H2BK1: variants seen among roughly 807,000 people sequenced by gnomAD.
The protein encoded by H2BK1 is histone H2B type 2-K1.
the H2BK1 span, chr7:151,208,047 C>T: frequency 5.6e-6 from 9 of 1,613,962 alleles, no homozygotes; most frequent in African/African-American, 4.0e-5. Context: ...TCAAACACGT[C>T]GTTTACAAAC....
the H2BK1 span, among the ~76,000 whole-genome samples, chr7:151,209,826 C>T: frequency 2.0e-5 from 3 of 152,210 alleles, no homozygotes; most frequent in African/African-American, 7.2e-5. Context: ...CTCCTCTTCT[C>T]GGTCACCAAC....
At chr7:151,207,848 C>T in the H2BK1 span, 1 of 836,638 alleles carries the variant, frequency 1.2e-6, no homozygotes, top group Non-Finnish European at 2.1e-6. Flanking sequence ...ACAGTTCACC[C>T]TTTATTTTTG....
At chr7:151,210,411 TGGGA>T in the H2BK1 span, 6,664 of 113,098 alleles carry the variant, frequency 0.059, 309 homozygotes, top group African/African-American at 0.24. Context: ...GACATGCACC[TGGGA>T]GGGGGGGGGG....
chr7:151,210,278 C>G, the H2BK1 span: 1 of 399,262 alleles, frequency 2.5e-6, no homozygotes, highest in East Asian at 3.6e-5. Flanking sequence ...GCGACCCCCA[C>G]GGCCCCCGGG....
chr7:151,208,616 G>C, the H2BK1 span, among the ~76,000 whole-genome samples: 1 of 152,152 alleles, frequency 6.6e-6, no homozygotes, highest in South Asian at 2.1e-4. Context: ...TTCCAGAGGC[G>C]GGACTGTAGT....
the H2BK1 span, chr7:151,207,883 G>A: frequency 8.9e-6 from 9 of 1,007,130 alleles, no homozygotes; most frequent in Non-Finnish European, 1.3e-5. Context: ...ACTTGGAGCT[G>A]GTGTACTTGG....
the H2BK1 span, chr7:151,208,158 G>A: frequency 2.5e-6 from 4 of 1,580,510 alleles, no homozygotes; most frequent in Admixed American, 5.0e-5. Context: ...AGGGGAGGGG[G>A]GGTCCTGCCT....
the H2BK1 span, chr7:151,208,220 A>C: frequency 1.0e-6 from 1 of 992,582 alleles, no homozygotes; most frequent in Admixed American, 2.2e-5. Context: ...CAGAGGCAGA[A>C]GGCAAGGAGG....
At chr7:151,208,016 G>A in the H2BK1 span, 1 of 1,602,982 alleles carries the variant, frequency 6.2e-7, no homozygotes, top group South Asian at 1.1e-5. Flanking sequence ...GGCCAGCCGG[G>A]CAGCCTCACA....
the H2BK1 span, among the ~76,000 whole-genome samples, chr7:151,208,321 A>C: frequency 3.3e-5 from 5 of 152,230 alleles, no homozygotes; most frequent in African/African-American, 1.2e-4. Context: ...AAGTTTTTTA[A>C]AAGAAGTTTT....
chr7:151,207,933 G>C, the H2BK1 span: 1 of 1,258,228 alleles, frequency 7.9e-7, no homozygotes, highest in Non-Finnish European at 1.2e-6. Context: ...TGCTTGGCCA[G>C]CTCCCCAGGC....
At chr7:151,208,447 A>T in the H2BK1 span, among the ~76,000 whole-genome samples, 8 of 152,254 alleles carry the variant, frequency 5.3e-5, no homozygotes, top group Admixed American at 6.5e-5. Flanking sequence ...GCATTTGCAT[A>T]GTGTTCCACG....
the H2BK1 span, among the ~76,000 whole-genome samples, chr7:151,209,729 A>G: frequency 9.2e-5 from 14 of 152,178 alleles, no homozygotes; most frequent in East Asian, 2.1e-3. Context: ...CTGTTTGTCT[A>G]TAAGGTGGAC....
chr7:151,208,115 G>C, the H2BK1 span: 1 of 1,614,016 alleles, frequency 6.2e-7, no homozygotes. Context: ...CACCTGGAGA[G>C]AGGGCAGCAC....
chr7:151,208,236 C>CGG, the H2BK1 span: 3 of 805,518 alleles, frequency 3.7e-6, no homozygotes, highest in Non-Finnish European at 6.1e-6. Context: ...GGAGGCTCCT[C>CGG]ACCAGCCCCT....
chr7:151,207,851 T>A, the H2BK1 span: 1 of 846,944 alleles, frequency 1.2e-6, no homozygotes, highest in East Asian at 2.4e-5. Context: ...GTTCACCCTT[T>A]ATTTTTGTCA....
At chr7:151,210,414 G>GT in the H2BK1 span, 3 of 124,920 alleles carry the variant, frequency 2.4e-5, no homozygotes, top group South Asian at 4.6e-4. Context: ...ATGCACCTGG[G>GT]AGGGGGGGGG....
chr7:151,209,787 T>C, the H2BK1 span, among the ~76,000 whole-genome samples: 1 of 152,128 alleles, frequency 6.6e-6, no homozygotes, highest in Admixed American at 6.5e-5. Flanking sequence ...CCAGAAGACC[T>C]TCCCCAAGAC....
chr7:151,210,407 C>A, the H2BK1 span: 1 of 192,962 alleles, frequency 5.2e-6, no homozygotes, highest in Non-Finnish European at 8.3e-6. Flanking sequence ...TGGGGACATG[C>A]ACCTGGGAGG....
Sources: allele counts gnomAD v4.1 joint callset (sites outside exome capture counted in the v4.1 genomes callset), GRCh38; gene constraint gnomAD v4.1.1; transcripts MANE v1.5; gene names NCBI Gene and HGNC (gene_info 2026-07-23, HGNC 2026-07-21).